The following CASP6 variants were observed in gnomAD, a reference collection of about 807,000 sequenced individuals.
CASP6 encodes caspase 6.
CASP6 carries 20 observed loss-of-function variants against 31.8 expected under a neutral mutation model. The ratio of observed to expected loss-of-function variants is 0.63; its 90% CI spans 0.44 to 0.91. The LOEUF (loss-of-function observed/expected upper bound fraction) is 0.91. Among genes scored for constraint, CASP6 ranks in the 40% least tolerant of loss-of-function variants. CASP6 has a pLI of 0.00. For synonymous variants in CASP6, 130 were observed against 127.8 expected (o/e 1.02, Z -0.12); for missense variants, 328 against 361.1 (o/e 0.91, Z 0.74).
At chr4:109,701,486 T>A (rs1730419537) in intron 1 of CASP6, among the ~76,000 whole-genome samples, 1 of 152,000 alleles carries the variant, frequency 6.6e-6, no homozygotes, top group Non-Finnish European at 1.5e-5. Flanking sequence ...TGCAGTGCAG[T>A]GGCGCAATCT....
At chr4:109,689,874 A>G (rs1729981042) in intron 6 of CASP6, among the ~76,000 whole-genome samples, 1 of 152,172 alleles carries the variant, frequency 6.6e-6, no homozygotes, top group South Asian at 2.1e-4. Context: ...TTACTACAAA[A>G]GCAAAGAACC....
chr4:109,682,731 C>T, the CASP6 span: 1 of 1,612,656 alleles, frequency 6.2e-7, no homozygotes, highest in Non-Finnish European at 8.5e-7. Flanking sequence ...ACAGCTGCAG[C>T]CCCTTGAACA....
intron 5 of CASP6, among the ~76,000 whole-genome samples, chr4:109,693,778 G>A (rs1051130462): frequency 6.8e-6 from 1 of 147,510 alleles, no homozygotes; most frequent in Admixed American, 6.8e-5. Flanking sequence ...TCGCTCTGAC[G>A]CCCAGGCTGG....
chr4:109,686,737 A>G (rs1729848869), downstream of CASP6, among the ~76,000 whole-genome samples: 3 of 152,202 alleles, frequency 2.0e-5, no homozygotes, highest in East Asian at 1.9e-4. Flanking sequence ...TTAGCTGGAC[A>G]TGGTGGCACA....
downstream of CASP6, chr4:109,687,796 G>A (rs1162278169): frequency 2.2e-5 from 12 of 548,232 alleles, no homozygotes; most frequent in South Asian, 4.7e-5. Context: ...GCTTGTATGC[G>A]TCTATCAAAG....
In CASP6 at chr4:109,698,294, C is replaced by CTT; in HGVS notation, c.83+4_83+5dup. On this transcript the variant is annotated splice_donor_region_variant and intron_variant, in intron 2 of 6. Transcript: ENST00000265164. The stretch of plus-strand genomic sequence containing the variant: ...AGACCTTTATTAGAAAAGAGCACAG[C>CTT]TTTACCTTTTATAGAAGGCATCTGT... The CTT allele has an allele frequency of 6.2e-7, 1 of 1,609,424 alleles. No homozygotes were observed. Among genetic ancestry groups the CTT allele is most frequent in the Non-Finnish European group, 8.5e-7 (1 of 1,178,632 alleles).
intron 5 of CASP6, 125 bp from the exon 6 acceptor site, chr4:109,691,134 A>T: frequency 1.0e-6 from 1 of 996,958 alleles, no homozygotes; most frequent in South Asian, 2.1e-5. Flanking sequence ...TGAGCAGTTC[A>T]GAAGCAATAC....
the CASP6 span, among the ~76,000 whole-genome samples, chr4:109,670,738 G>C: frequency 4.0e-5 from 6 of 151,480 alleles, no homozygotes; most frequent in East Asian, 1.2e-3. Context: ...AAAAGAAAAA[G>C]AAAAAGAACA....
downstream of CASP6, chr4:109,687,640 G>A: frequency 8.0e-7 from 1 of 1,248,528 alleles, no homozygotes; most frequent in Non-Finnish European, 1.2e-6. Flanking sequence ...TATTGATTTT[G>A]CAACTTAGGA....
the CASP6 span, among the ~76,000 whole-genome samples, chr4:109,672,963 A>T: frequency 6.6e-6 from 1 of 152,376 alleles, no homozygotes; most frequent in African/African-American, 2.4e-5. Flanking sequence ...ATAATTTTTT[A>T]AAATTTTAAT....
chr4:109,687,536 G>A (rs1729877271), downstream of CASP6: 1 of 1,612,388 alleles, frequency 6.2e-7, no homozygotes, highest in South Asian at 1.1e-5. Flanking sequence ...CCTGAAACAG[G>A]CGCGTCATTC....
chr4:109,676,341 C>A, the CASP6 span, among the ~76,000 whole-genome samples: 1 of 152,056 alleles, frequency 6.6e-6, no homozygotes, highest in Non-Finnish European at 1.5e-5. Context: ...GAGTTTGAGA[C>A]CAGTGTGGCC....
At chr4:109,703,458 C>CCGGCCCCGCCCTCGGCCCTTCCTCGG (rs1301061976), upstream of CASP6, 88 of 1,573,740 alleles carry the variant, frequency 5.6e-5, no homozygotes, top group Middle Eastern at 3.3e-4. Context: ...GCTCCCGGGC[C>CCGGCCCCGCCCTCGGCCCTTCCTCGG]CGGCCCCGCC....
the CASP6 span, chr4:109,664,523 C>A: frequency 3.6e-6 from 2 of 557,834 alleles, no homozygotes; most frequent in East Asian, 3.0e-5. Flanking sequence ...CTCCTGGGCT[C>A]AAACAATCCT....
chr4:109,690,896 CG>C lies in CASP6; in HGVS notation c.596del (p.Thr199SerfsTer25), dbSNP rs1561257586. ...ITEVDAASVY[T>X]LPAGADFLMC... ...TGAGGAAGTCAGCTCCAGCAGGCAG[CG>C]TGTAAACGGAGGCTGCATCCACCTC... On this transcript the variant is annotated frameshift_variant, in exon 6 of 7. Coordinates refer to ENST00000265164, the MANE Select transcript of CASP6 (RefSeq NM_001226.4). LOFTEE classifies it high-confidence loss of function. 1 of 1,613,038 alleles carries C rather than the reference CG, an allele frequency of 6.2e-7. No individual in the cohort carries two copies. The highest frequency in any genetic ancestry group is 8.5e-7 in the Non-Finnish European group (1 of 1,179,478).
intron 5 of CASP6, among the ~76,000 whole-genome samples, chr4:109,691,663 T>TAAA (rs1730059975): frequency 6.6e-6 from 1 of 152,198 alleles, no homozygotes; most frequent in African/African-American, 2.4e-5. Flanking sequence ...AGCTGAATTG[T>TAAA]GTTCCCCAAA....
chr4:109,668,087 G>A, the CASP6 span, among the ~76,000 whole-genome samples: 6 of 152,082 alleles, frequency 3.9e-5, no homozygotes, highest in East Asian at 1.2e-3. Context: ...GATGTTCCCT[G>A]TGAACTTGAG....
chr4:109,685,354 A>AT (rs750417033), downstream of CASP6: 2 of 1,487,084 alleles, frequency 1.3e-6, no homozygotes, highest in African/African-American at 2.8e-5. Context: ...AAGTTAAAAG[A>AT]AGACCTTGCT....
At chr4:109,698,639 T>A (rs1311063176) in intron 1 of CASP6, among the ~76,000 whole-genome samples, 4 of 152,228 alleles carry the variant, frequency 2.6e-5, no homozygotes, top group Admixed American at 2.6e-4. Context: ...AGAGTAACAG[T>A]TCTGTGATTA....
Sources: gnomAD v4.1 joint callset for allele counts (sites outside exome capture counted in the v4.1 genomes callset) on GRCh38, gnomAD v4.1.1 for gene constraint, MANE v1.5 for transcripts, NCBI Gene and HGNC (gene_info 2026-07-23, HGNC 2026-07-21) for gene names.